The following RALYL variants were observed in gnomAD, a reference collection of about 807,000 sequenced individuals.
RALYL encodes RNA-binding Raly-like protein.
In RALYL, 29 loss-of-function variants were observed where a neutral mutation model predicts 35.1. That is an observed-to-expected ratio of 0.83 (90% CI 0.61 to 1.13). The LOEUF (loss-of-function observed/expected upper bound fraction) is 1.13, where lower values mean the gene tolerates loss of function less well. Ranked by LOEUF, RALYL falls within the 50% of genes most tolerant of loss-of-function variation. RALYL has a pLI of 0.00. For missense variants in RALYL, 359 were observed against 360.4 expected, an observed-to-expected ratio of 1.00 and a Z score of 0.03; for synonymous variants, 120 against 127.6, an observed-to-expected ratio of 0.94 and a Z score of 0.40.
At chr8:84,351,357 A>T (rs975398623) in intron 1 of RALYL, among the ~76,000 whole-genome samples, 1 of 150,242 alleles carries the variant, frequency 6.7e-6, no homozygotes, top group East Asian at 1.9e-4. Context: ...ACTTAATGTG[A>T]TTTATTTTAA....
intron 1 of RALYL, among the ~76,000 whole-genome samples, chr8:84,378,548 G>A (rs983832391): frequency 1.3e-5 from 2 of 151,898 alleles, no homozygotes; most frequent in African/African-American, 4.8e-5. Context: ...CTAGGAGACA[G>A]AAGAATTGTC....
At chr8:84,793,090 T>C (rs760602194) in intron 3 of RALYL, among the ~76,000 whole-genome samples, 3 of 152,182 alleles carry the variant, frequency 2.0e-5, no homozygotes, top group South Asian at 2.1e-4. Flanking sequence ...AGATATCATA[T>C]AGGCAATTGA....
At chr8:84,493,745 T>C (rs927717295) in intron 1 of RALYL, among the ~76,000 whole-genome samples, 1 of 151,794 alleles carries the variant, frequency 6.6e-6, no homozygotes, top group African/African-American at 2.4e-5. Flanking sequence ...TTCATGCCCT[T>C]TGCCCACTTT....
At chr8:84,382,098 C>T (rs1057246108) in intron 1 of RALYL, among the ~76,000 whole-genome samples, 3 of 151,236 alleles carry the variant, frequency 2.0e-5, no homozygotes, top group African/African-American at 7.3e-5. Flanking sequence ...TGTTTTCTTT[C>T]TCCTTTTATT....
chr8:84,379,378 C>A (rs967271057), intron 1 of RALYL, among the ~76,000 whole-genome samples: 36 of 152,000 alleles, frequency 2.4e-4, no homozygotes, highest in African/African-American at 8.4e-4. Context: ...ACTTCAGTCA[C>A]ATATGGTGAG....
intron 1 of RALYL, among the ~76,000 whole-genome samples, chr8:84,433,899 A>C (rs185356073): frequency 2.0e-3 from 297 of 151,594 alleles, no homozygotes; most frequent in Non-Finnish European, 3.5e-3. Context: ...TATATATTCA[A>C]ATTTCAGTCT....
intron 2 of RALYL, among the ~76,000 whole-genome samples, chr8:84,621,082 G>C (rs1191350456): frequency 2.6e-5 from 4 of 152,224 alleles, no homozygotes; most frequent in Non-Finnish European, 5.9e-5. Context: ...AGCCTACAGA[G>C]GCAGGCAGGC....
intron 1 of RALYL, among the ~76,000 whole-genome samples, chr8:84,352,723 TAC>T (rs1851145755): frequency 6.7e-6 from 1 of 150,328 alleles, no homozygotes; most frequent in Non-Finnish European, 1.5e-5. Context: ...TATTTCTCAT[TAC>T]AATCCTGTGG....
intron 2 of RALYL, among the ~76,000 whole-genome samples, chr8:84,717,087 T>TGA (rs1843059595): frequency 2.6e-5 from 4 of 152,160 alleles, no homozygotes. Flanking sequence ...CTCAGGAGGC[T>TGA]GAGACAGGAG....
At chr8:84,244,384 G>A (rs1178959779) in intron 1 of RALYL, among the ~76,000 whole-genome samples, 2 of 152,142 alleles carry the variant, frequency 1.3e-5, no homozygotes, top group Admixed American at 6.6e-5. Context: ...TGTACATGAG[G>A]TTATACAACA....
intron 1 of RALYL, among the ~76,000 whole-genome samples, chr8:84,264,716 T>C (rs981670540): frequency 6.6e-6 from 1 of 152,192 alleles, no homozygotes; most frequent in African/African-American, 2.4e-5. Flanking sequence ...GAGACTAACA[T>C]TTTAATTGAG....
chr8:84,466,810 C>T (rs899384192), intron 1 of RALYL, among the ~76,000 whole-genome samples: 2 of 151,624 alleles, frequency 1.3e-5, no homozygotes, highest in Non-Finnish European at 3.0e-5. Context: ...ATTATTGCCA[C>T]AATTTCAGCT....
intron 2 of RALYL, among the ~76,000 whole-genome samples, chr8:84,674,957 T>A (rs1362795848): frequency 6.6e-6 from 1 of 151,758 alleles, no homozygotes; most frequent in South Asian, 2.1e-4. Flanking sequence ...TATAAGAAGA[T>A]ATATGCCAAT....
chr8:84,372,896 T>TTTTGTTTTGTTTTG (rs1422275231), intron 1 of RALYL, among the ~76,000 whole-genome samples: 2 of 127,338 alleles, frequency 1.6e-5, no homozygotes, highest in African/African-American at 3.0e-5. Flanking sequence ...GTTTTTTTTT[T>TTTTGTTTTGTTTTG]TTTTTTTTTT....
intron 2 of RALYL, among the ~76,000 whole-genome samples, chr8:84,559,091 C>A (rs761517712): frequency 2.2e-4 from 33 of 151,848 alleles, no homozygotes; most frequent in Non-Finnish European, 2.9e-4. Flanking sequence ...GGTTCTTCCT[C>A]TAACATTTTT....
chr8:84,604,414 A>G (rs1299067979), intron 2 of RALYL, among the ~76,000 whole-genome samples: 1 of 152,120 alleles, frequency 6.6e-6, no homozygotes, highest in Non-Finnish European at 1.5e-5. Context: ...GTAGATCCAG[A>G]AGTTCCCTCC....
chr8:84,679,178 A>ATT, intron 2 of RALYL: 1 of 189,264 alleles, frequency 5.3e-6, no homozygotes, highest in South Asian at 1.0e-4. Context: ...GACCTCAGTG[A>ATT]TCTACTGACA....
intron 1 of RALYL, among the ~76,000 whole-genome samples, chr8:84,325,777 C>T (rs1845684779): frequency 6.6e-6 from 1 of 152,202 alleles, no homozygotes; most frequent in South Asian, 2.1e-4. Context: ...TAGCAGATAA[C>T]TTTTGGTCTG....
intron 1 of RALYL, among the ~76,000 whole-genome samples, chr8:84,524,222 A>G (rs1163288090): frequency 1.3e-5 from 2 of 152,174 alleles, no homozygotes; most frequent in Non-Finnish European, 2.9e-5. Flanking sequence ...GCTAATATCC[A>G]GAATCTACAA....
Sources: gnomAD v4.1 joint callset for allele counts (sites outside exome capture counted in the v4.1 genomes callset) on GRCh38, gnomAD v4.1.1 for gene constraint, MANE v1.5 for transcripts, NCBI Gene and HGNC (gene_info 2026-07-23, HGNC 2026-07-21) for gene names.